Variants in WNK1 observed in about 807,000 individuals in gnomAD.
WNK1 encodes the protein WNK lysine deficient protein kinase 1, also known as serine/threonine-protein kinase WNK1.
Under a neutral mutation model 222.8 loss-of-function variants are expected in WNK1, and 38 were observed. The ratio of observed to expected loss-of-function variants is 0.17; its 90% CI spans 0.13 to 0.22. The LOEUF (loss-of-function observed/expected upper bound fraction) is 0.22. WNK1 is among the 10% of genes least tolerant of loss of function. The pLI, the probability that WNK1 is intolerant of heterozygous loss-of-function variation, is 1.00. For synonymous variants in WNK1, 1,090 were observed against 1,092.9 expected, an observed-to-expected ratio of 1.00 and a Z score of 0.05; for missense variants, 2,348 against 2,918.4, an observed-to-expected ratio of 0.80 and a Z score of 4.50.
At chr12:838,066 G>GAGT (rs3072741) in intron 4 of WNK1, among the ~76,000 whole-genome samples, 95,906 of 150,170 alleles carry the variant, frequency 0.64, 31,193 homozygotes, top group East Asian at 0.87. Context: ...CTTTAAGTCT[G>GAGT]AGTAATATTC....
chr12:828,911 G>A (rs12303952), intron 3 of WNK1, among the ~76,000 whole-genome samples: 545 of 152,282 alleles, frequency 3.6e-3, no homozygotes, highest in African/African-American at 0.013. Flanking sequence ...CAGAACACCA[G>A]TTATTTGTAC....
At chr12:874,845 A>G (rs1952466056) in intron 9 of WNK1, among the ~76,000 whole-genome samples, 1 of 152,108 alleles carries the variant, frequency 6.6e-6, no homozygotes, top group African/African-American at 2.4e-5. Flanking sequence ...AATCCAAATA[A>G]TCTAATTCCA....
chr12:868,072 A>G, intron 8 of WNK1: 1 of 1,613,980 alleles, frequency 6.2e-7, no homozygotes, highest in Non-Finnish European at 8.5e-7. Context: ...CTGTTGGCCA[A>G]AGTCTTCTTC....
At chr12:758,288 T>G (rs1940478887) in intron 1 of WNK1, among the ~76,000 whole-genome samples, 1 of 145,750 alleles carries the variant, frequency 6.9e-6, no homozygotes, top group African/African-American at 2.4e-5. Flanking sequence ...ATGACATTAA[T>G]ATTTTGTGAA....
chr12:763,299 G>T (rs1021875257), intron 1 of WNK1, among the ~76,000 whole-genome samples: 4 of 147,336 alleles, frequency 2.7e-5, no homozygotes, highest in Admixed American at 2.0e-4. Context: ...GTCGTGAATT[G>T]TTGGCTAGGC....
In WNK1 at chr12:885,434, C is replaced by T; in HGVS notation, c.4630C>T (p.Leu1544Phe). The T allele has an allele frequency of 1.2e-6, 2 of 1,613,792 alleles. No individual in the cohort carries two copies. ...CAGTACAACTGGATTGGCTTTCTCC[C>T]TCTCTGCACCATCTTCCTCTTCCTC... is the stretch of plus-strand genomic sequence containing the variant. Reference protein sequence around the residue: ...HSSTTGLAFSLSAPSSSSSPG... With the variant: ...HSSTTGLAFSFSAPSSSSSPG... Residue 1544 changes from leucine (L) to phenylalanine (F), a missense_variant, in exon 19 of 28, where the codon CTC becomes TTC. This residue lies in a region of WNK1 where 1,144 missense variants were observed against 1,273.6 expected (regional missense o/e 0.90). Transcript: ENST00000315939.
chr12:807,751 G>T (rs1267589035), intron 1 of WNK1, among the ~76,000 whole-genome samples: 1 of 124,632 alleles, frequency 8.0e-6, no homozygotes, highest in Non-Finnish European at 1.6e-5. Context: ...ACGGAATCTG[G>T]CTCTGTGGCC....
chr12:809,514 T>A (rs1205626901), intron 1 of WNK1, among the ~76,000 whole-genome samples: 2 of 152,156 alleles, frequency 1.3e-5, no homozygotes, highest in Non-Finnish European at 2.9e-5. Context: ...CCACATAAAA[T>A]GCAGGTGTAA....
chr12:778,034 C>T (rs1014682854), intron 1 of WNK1, among the ~76,000 whole-genome samples: 1 of 152,188 alleles, frequency 6.6e-6, no homozygotes, highest in African/African-American at 2.4e-5. Context: ...TAAGTAGTAG[C>T]TGAGTCCTGG....
chr12:816,191 G>T (rs961801782), intron 2 of WNK1, among the ~76,000 whole-genome samples: 5 of 152,222 alleles, frequency 3.3e-5, no homozygotes, highest in African/African-American at 1.2e-4. Context: ...GAAGACTGTG[G>T]ATAAGAGGGG....
intron 4 of WNK1, among the ~76,000 whole-genome samples, chr12:853,657 GA>G (rs1950561307): frequency 6.6e-6 from 1 of 152,198 alleles, no homozygotes; most frequent in Non-Finnish European, 1.5e-5. Context: ...GATTAAAACA[GA>G]AGAATCAGTA....
chr12:813,507 C>A (rs1000604503), intron 1 of WNK1, 135 bp from the exon 2 acceptor site: 3 of 876,152 alleles, frequency 3.4e-6, no homozygotes, highest in Non-Finnish European at 5.3e-6. Flanking sequence ...CCAAATCTAT[C>A]ATTTATAACT....
At chr12:807,812 C>T (rs1001720087) in intron 1 of WNK1, among the ~76,000 whole-genome samples, 3 of 147,736 alleles carry the variant, frequency 2.0e-5, no homozygotes, top group South Asian at 2.1e-4. Flanking sequence ...CTCCGCCTCC[C>T]GGGTTCACGC....
intron 10 of WNK1, 58 bp from the exon 11 acceptor site, chr12:879,515 T>TTTTTTTTTTTTTTTTTTTTTTTTTTC: frequency 2.8e-5 from 4 of 144,638 alleles, no homozygotes; most frequent in South Asian, 7.2e-5. Context: ...CAGCCTTGCT[T>TTTTTTTTTTTTTTTTTTTTTTTTTTC]TTTTTTTTTT....
intron 3 of WNK1, among the ~76,000 whole-genome samples, chr12:829,128 G>A (rs538688251): frequency 6.6e-6 from 1 of 152,182 alleles, no homozygotes; most frequent in African/African-American, 2.4e-5. Context: ...TATTTTCTTT[G>A]TTGATTAAAT....
At chr12:892,571 A>C (rs992276930) in intron 22 of WNK1, among the ~76,000 whole-genome samples, 11 of 152,260 alleles carry the variant, frequency 7.2e-5, no homozygotes, top group Admixed American at 3.3e-4. Context: ...AATATAAATG[A>C]AAAACTGGGG....
intron 20 of WNK1, among the ~76,000 whole-genome samples, chr12:887,525 T>C (rs1481507722): frequency 1.3e-5 from 2 of 152,206 alleles, no homozygotes; most frequent in Non-Finnish European, 2.9e-5. Context: ...AAACACTTGA[T>C]ACTAATTTTT....
intron 22 of WNK1, among the ~76,000 whole-genome samples, chr12:892,273 CTT>C (rs1261655491): frequency 2.0e-5 from 3 of 151,892 alleles, no homozygotes; most frequent in African/African-American, 7.3e-5. Context: ...TTCACAAACT[CTT>C]TTTCTGTAAA....
chr12:766,156 A>G (rs1228038167), intron 1 of WNK1, among the ~76,000 whole-genome samples: 1 of 152,196 alleles, frequency 6.6e-6, no homozygotes, highest in East Asian at 1.9e-4. Flanking sequence ...TTGGGTGATA[A>G]GGCGATAAGG....
Sources: allele counts gnomAD v4.1 joint callset (sites outside exome capture counted in the v4.1 genomes callset), GRCh38; gene constraint gnomAD v4.1.1; regional missense constraint gnomAD v4.1.1; transcripts MANE v1.5; gene names NCBI Gene and HGNC (gene_info 2026-07-23, HGNC 2026-07-21).